SMG6: variants seen among roughly 807,000 people sequenced by gnomAD.
The protein encoded by SMG6 is telomerase-binding protein EST1A.
Under a neutral mutation model 142.2 loss-of-function variants are expected in SMG6, and 66 were observed. The ratio of observed to expected loss-of-function variants is 0.46; its 90% confidence interval spans 0.38 to 0.57. SMG6 has a LOEUF of 0.57. SMG6 is among the 20% of genes least tolerant of loss of function. The pLI is 0.00. For missense variants in SMG6, 1,793 were observed against 1,832.0 expected (o/e 0.98, Z 0.39); for synonymous variants, 779 against 702.4 (o/e 1.11, Z -1.72).
At chr17:2,262,866 A>G (rs72819569) in intron 8 of SMG6, among the ~76,000 whole-genome samples, 3 of 152,336 alleles carry the variant, frequency 2.0e-5, no homozygotes, top group Non-Finnish European at 2.9e-5. Flanking sequence ...CTGAATTGGG[A>G]CAGGGAAAAA....
At chr17:2,249,092 A>G (rs1425423686) in intron 8 of SMG6, among the ~76,000 whole-genome samples, 1 of 150,582 alleles carries the variant, frequency 6.6e-6, no homozygotes, top group Non-Finnish European at 1.5e-5. Flanking sequence ...ATGGGGTTTC[A>G]CCGTGTTAGC....
At chr17:2,142,521 ATCTT>A (rs1417582812) in intron 13 of SMG6, among the ~76,000 whole-genome samples, 4 of 130,158 alleles carry the variant, frequency 3.1e-5, no homozygotes, top group Non-Finnish European at 6.5e-5. Context: ...ACTCAATGTA[ATCTT>A]TCTATCTATC....
intron 13 of SMG6, among the ~76,000 whole-genome samples, chr17:2,107,573 T>C (rs1459312762): frequency 4.6e-5 from 7 of 152,182 alleles, no homozygotes; most frequent in Non-Finnish European, 8.8e-5. Context: ...GACACAGTTG[T>C]CTTGAGCCTC....
At chr17:2,064,151 G>A (rs1207551858) in intron 18 of SMG6, among the ~76,000 whole-genome samples, 1 of 152,158 alleles carries the variant, frequency 6.6e-6, no homozygotes, top group Non-Finnish European at 1.5e-5. Context: ...ACAGAAAGGA[G>A]AGAGCAGCAG....
At position 2,060,023 on chromosome 17, in the gene SMG6, G is replaced by A. The variant is rs1567559855; in HGVS notation, c.*1469C>T. 1 of 152,384 alleles carries A rather than the reference G, an allele frequency of 6.6e-6. No individual in the cohort carries two copies. Among genetic ancestry groups the A allele is most frequent in the Non-Finnish European group, 1.5e-5 (1 of 68,260 alleles). 9.4% of individuals were successfully genotyped at this position (152,384 alleles called of 1,614,324 possible). A position where few individuals can be genotyped will look rare whatever the true frequency, so the allele number is the denominator to read the frequency against. On this transcript the variant is annotated 3_prime_UTR_variant, in exon 19 of 19. Coordinates refer to ENST00000263073, the MANE Select transcript of SMG6 (RefSeq NM_017575.5). ...AGCCCAGTCTTCTGAGACTCTAGGG[G>A]ACTCCTACCCCCAAACTACTGGCCT...
intron 11 of SMG6, among the ~76,000 whole-genome samples, chr17:2,187,341 C>G (rs1041340729): frequency 6.6e-6 from 1 of 152,198 alleles, no homozygotes; most frequent in African/African-American, 2.4e-5. Context: ...TGCTCCTGCA[C>G]TGGATCCCAG....
At chr17:2,095,799 T>C (rs769595895) in intron 13 of SMG6, among the ~76,000 whole-genome samples, 1 of 152,114 alleles carries the variant, frequency 6.6e-6, no homozygotes, top group African/African-American at 2.4e-5. Flanking sequence ...GGGCTTAGCC[T>C]TGCTATCAAA....
At chr17:2,245,074 ACT>A (rs2073899145) in intron 8 of SMG6, among the ~76,000 whole-genome samples, 1 of 152,170 alleles carries the variant, frequency 6.6e-6, no homozygotes, top group Admixed American at 6.5e-5. Flanking sequence ...TGGAAATGAA[ACT>A]CTAACAGGAG....
intron 8 of SMG6, among the ~76,000 whole-genome samples, chr17:2,245,752 C>A (rs1202668944): frequency 6.6e-6 from 1 of 152,180 alleles, no homozygotes; most frequent in Non-Finnish European, 1.5e-5. Flanking sequence ...GTGATCACAG[C>A]TCACTGCAAC....
In SMG6 at chr17:2,292,885, A is replaced by G. The variant is rs1427357518; in HGVS notation, c.2244T>C (p.Tyr748=). 1.2e-6 allele frequency: 2 copies of G among 1,614,000 alleles called. No individual in the cohort carries two copies. Among genetic ancestry groups the G allele is most frequent in the Non-Finnish European group, 1.7e-6 (2 of 1,179,878 alleles). The part of the protein sequence containing the change: ...YREQASDTAN[Y]GKARSWYLKA... ...GGTAAAAGTACCTGCGTGCTTTCCC[A>G]TAATTCGCTGTATCACTGGCTTGCT... Residue 748 remains tyrosine, a synonymous_variant, in exon 5 of 19, where the codon TAT becomes TAC. Transcript: ENST00000263073.
At chr17:2,291,196 T>C (rs1359666187) in intron 6 of SMG6, among the ~76,000 whole-genome samples, 1 of 151,994 alleles carries the variant, frequency 6.6e-6, no homozygotes, top group East Asian at 1.9e-4. Context: ...CCGGGCGTGG[T>C]GGCGGGCGCC....
chr17:2,067,356 G>A (rs571297094), intron 16 of SMG6, among the ~76,000 whole-genome samples: 1 of 152,284 alleles, frequency 6.6e-6, no homozygotes, highest in South Asian at 2.1e-4. Context: ...GGCAGCCTGG[G>A]ACGGCGTCTG....
chr17:2,240,728 G>A (rs574478667), intron 9 of SMG6, among the ~76,000 whole-genome samples: 4 of 152,344 alleles, frequency 2.6e-5, no homozygotes, highest in African/African-American at 9.6e-5. Context: ...CACATAGTAG[G>A]CATTCGAGTC....
intron 13 of SMG6, among the ~76,000 whole-genome samples, chr17:2,117,098 T>A (rs2069530939): frequency 1.6e-5 from 1 of 61,060 alleles, no homozygotes; most frequent in Non-Finnish European, 3.1e-5. Context: ...GGCTTTTAAA[T>A]TTTTTTTTTT....
intron 10 of SMG6, among the ~76,000 whole-genome samples, chr17:2,207,828 AACAG>A (rs2072733815): frequency 6.6e-6 from 1 of 152,170 alleles, no homozygotes; most frequent in Non-Finnish European, 1.5e-5. Flanking sequence ...CCCCCTGCCA[AACAG>A]ACAGTTTTTA....
At chr17:2,142,888 CAAAAAAA>C (rs1164289108) in intron 13 of SMG6, among the ~76,000 whole-genome samples, 6 of 52,508 alleles carry the variant, frequency 1.1e-4, no homozygotes, top group African/African-American at 2.5e-4. Context: ...AACACTGTCT[CAAAAAAA>C]AAAAAAAAAA....
At chr17:2,101,426 T>A (rs763131986) in intron 13 of SMG6, 1 of 152,206 alleles carries the variant, frequency 6.6e-6, no homozygotes, top group South Asian at 2.1e-4. Flanking sequence ...CATGATACTT[T>A]TAGGATCTAG....
chr17:2,129,521 T>C (rs886443309), intron 13 of SMG6, among the ~76,000 whole-genome samples: 2 of 151,618 alleles, frequency 1.3e-5, no homozygotes, highest in African/African-American at 4.8e-5. Flanking sequence ...GGGCCAGGCA[T>C]GGTTGGTCAC....
chr17:2,275,483 A>G (rs1340226552), intron 8 of SMG6, among the ~76,000 whole-genome samples: 13 of 152,088 alleles, frequency 8.5e-5, no homozygotes, highest in Admixed American at 8.5e-4. Flanking sequence ...TCCCAATCCT[A>G]TATGCTTTCT....
Sources: allele counts gnomAD v4.1 joint callset (sites outside exome capture counted in the v4.1 genomes callset), GRCh38; gene constraint gnomAD v4.1.1; transcripts MANE v1.5; gene names NCBI Gene and HGNC (gene_info 2026-07-23, HGNC 2026-07-21).